SLCO5A1: variants seen among roughly 807,000 people sequenced by gnomAD.
The protein encoded by SLCO5A1 is organic anion transporter polypeptide-related protein 4.
A neutral mutation model predicts 65.1 loss-of-function variants in SLCO5A1; 39 were observed. The ratio of observed to expected loss-of-function variants is 0.60; its 90% confidence interval spans 0.46 to 0.78. The LOEUF (loss-of-function observed/expected upper bound fraction) is 0.78, where lower values mean the gene tolerates loss of function less well. Among genes scored for constraint, SLCO5A1 ranks in the 30% least tolerant of loss-of-function variants. The pLI is 0.00. For missense variants in SLCO5A1, 1,029 were observed against 1,069.4 expected, an observed-to-expected ratio of 0.96 and a Z score of 0.53; for synonymous variants, 438 against 415.7, an observed-to-expected ratio of 1.05 and a Z score of -0.65.
chr8:69,784,891 AAAGG>A (rs1231459167), intron 2 of SLCO5A1, among the ~76,000 whole-genome samples: 21 of 104,406 alleles, frequency 2.0e-4, no homozygotes, highest in East Asian at 2.6e-4. Context: ...AAGAAAGAAG[AAAGG>A]AAGAAAGAAA....
intron 2 of SLCO5A1, among the ~76,000 whole-genome samples, chr8:69,782,026 G>T (rs1280188234): frequency 3.3e-5 from 5 of 152,068 alleles, no homozygotes; most frequent in Admixed American, 2.0e-4. Flanking sequence ...AAATTCATCT[G>T]AATTAAGAAT....
At chr8:69,775,318 C>T (rs1436125380) in intron 2 of SLCO5A1, among the ~76,000 whole-genome samples, 1 of 152,132 alleles carries the variant, frequency 6.6e-6, no homozygotes, top group Non-Finnish European at 1.5e-5. Context: ...GTATAAGAAG[C>T]AGCCAGTTAT....
At chr8:69,681,754 C>T (rs1230010975) in intron 7 of SLCO5A1, among the ~76,000 whole-genome samples, 3 of 152,068 alleles carry the variant, frequency 2.0e-5, no homozygotes, top group African/African-American at 7.2e-5. Flanking sequence ...CTGATATAGT[C>T]TATGAAAAAT....
intron 2 of SLCO5A1, among the ~76,000 whole-genome samples, chr8:69,788,488 G>A (rs1301774289): frequency 6.6e-6 from 1 of 152,008 alleles, no homozygotes; most frequent in Non-Finnish European, 1.5e-5. Flanking sequence ...TTTGGATTCG[G>A]TCTTATCCAA....
chr8:69,739,850 G>A (rs1816720298), intron 4 of SLCO5A1, among the ~76,000 whole-genome samples: 1 of 151,936 alleles, frequency 6.6e-6, no homozygotes. Context: ...CCAAAATTTA[G>A]AACTTAGAAA....
At chr8:69,820,920 C>A (rs1349012678) in intron 2 of SLCO5A1, among the ~76,000 whole-genome samples, 1 of 152,042 alleles carries the variant, frequency 6.6e-6, no homozygotes, top group Non-Finnish European at 1.5e-5. Flanking sequence ...CAGGCAGAAA[C>A]AGGCTGGGAG....
intron 2 of SLCO5A1, among the ~76,000 whole-genome samples, chr8:69,806,565 A>G (rs1819999314): frequency 6.6e-6 from 1 of 152,168 alleles, no homozygotes; most frequent in Admixed American, 6.5e-5. Context: ...ATGAACCAGA[A>G]CAGCTGAGTG....
chr8:69,805,646 C>T (rs1819961722), intron 2 of SLCO5A1, among the ~76,000 whole-genome samples: 2 of 152,098 alleles, frequency 1.3e-5, no homozygotes, highest in South Asian at 4.1e-4. Context: ...CTTAGATTGC[C>T]AAACCAGGCC....
At chr8:69,786,628 T>G (rs948456114) in intron 2 of SLCO5A1, among the ~76,000 whole-genome samples, 2 of 152,168 alleles carry the variant, frequency 1.3e-5, no homozygotes, top group East Asian at 3.8e-4. Context: ...AGTGATCTTT[T>G]CATGATTTGG....
chr8:69,738,263 A>G (rs1277116933), intron 4 of SLCO5A1, 59 bp from the exon 5 acceptor site: 24 of 1,453,624 alleles, frequency 1.7e-5, no homozygotes, highest in Non-Finnish European at 2.0e-5. Flanking sequence ...AAACAAAATA[A>G]AACTGAATTG....
chr8:69,703,084 C>G (rs1814817108), intron 6 of SLCO5A1, among the ~76,000 whole-genome samples: 1 of 146,356 alleles, frequency 6.8e-6, no homozygotes, highest in Non-Finnish European at 1.5e-5. Context: ...GCACTCCAGC[C>G]TGGGGGACAG....
At chr8:69,751,143 A>T (rs1817278855) in intron 4 of SLCO5A1, among the ~76,000 whole-genome samples, 1 of 152,258 alleles carries the variant, frequency 6.6e-6, no homozygotes, top group Non-Finnish European at 1.5e-5. Flanking sequence ...AAGTGGACAT[A>T]GAAAGTAAAA....
intron 2 of SLCO5A1, chr8:69,794,588 C>T: frequency 3.1e-6 from 1 of 323,794 alleles, no homozygotes; most frequent in Non-Finnish European, 6.3e-6. Flanking sequence ...CCTTAGATTA[C>T]CGGTTTGGAA....
At chr8:69,751,874 G>A (rs1817318745) in intron 4 of SLCO5A1, among the ~76,000 whole-genome samples, 1 of 152,112 alleles carries the variant, frequency 6.6e-6, no homozygotes, top group Non-Finnish European at 1.5e-5. Context: ...GGAAGTATAA[G>A]TTACCAACTT....
chr8:69,716,643 G>A (rs1815553244), intron 5 of SLCO5A1, among the ~76,000 whole-genome samples: 2 of 152,156 alleles, frequency 1.3e-5, no homozygotes, highest in African/African-American at 4.8e-5. Context: ...TGTCTACTTA[G>A]ATACTTTGCC....
intron 4 of SLCO5A1, among the ~76,000 whole-genome samples, chr8:69,744,075 C>T (rs975966258): frequency 5.9e-5 from 9 of 152,146 alleles, no homozygotes; most frequent in Non-Finnish European, 1.0e-4. Flanking sequence ...CACCAGAACC[C>T]CAGTATCTCA....
chr8:69,686,404 T>G (rs1242471263), intron 6 of SLCO5A1, among the ~76,000 whole-genome samples: 3 of 152,238 alleles, frequency 2.0e-5, no homozygotes, highest in African/African-American at 7.2e-5. Context: ...AACCCTTCTT[T>G]GGCTATACAG....
At position 69,722,776 on chromosome 8, in the gene SLCO5A1, G is replaced by GGTGTGTGTGTGTGTGT. The variant is rs56353428; in HGVS notation, c.1423+15248_1423+15263dup. On this transcript the variant is annotated intron_variant, in intron 5 of 9. Transcript: ENST00000260126. ...TGATGAGATTTGTTAACACATGCAT[G>GGTGTGTGTGTGTGTGT]GTGTGTGTGTGTGTGTGTGTGTGTG... Among the ~76,000 whole-genome samples the GGTGTGTGTGTGTGTGT allele has an allele frequency of 7.4e-3, 1,103 of 148,106 alleles. 20 individuals carry two copies. Among genetic ancestry groups the GGTGTGTGTGTGTGTGT allele is most frequent in the African/African-American group, 0.026 (1,038 of 40,292 alleles).
chr8:69,749,056 G>C (rs1765114474), intron 4 of SLCO5A1, among the ~76,000 whole-genome samples: 1 of 152,232 alleles, frequency 6.6e-6, no homozygotes. Context: ...AGAAGACTAA[G>C]AGCACAGGGC....
Sources: allele counts gnomAD v4.1 joint callset (sites outside exome capture counted in the v4.1 genomes callset), GRCh38; gene constraint gnomAD v4.1.1; transcripts MANE v1.5; gene names NCBI Gene and HGNC (gene_info 2026-07-23, HGNC 2026-07-21).